NALF1: variants seen among roughly 807,000 people sequenced by gnomAD.
NALF1 encodes the protein family with sequence similarity 155 member A.
A neutral mutation model predicts 48.4 loss-of-function variants in NALF1; 3 were observed. That is an observed-to-expected ratio of 0.06 (90% CI 0.03 to 0.16). The LOEUF (loss-of-function observed/expected upper bound fraction) is 0.16. Among genes scored for constraint, NALF1 ranks in the 10% least tolerant of loss-of-function variants. The pLI, the probability that NALF1 is intolerant of heterozygous loss-of-function variation, is 1.00. For synonymous variants in NALF1, 262 were observed against 245.7 expected (o/e 1.07, Z -0.62); for missense variants, 526 against 571.5 (o/e 0.92, Z 0.81).
chr13:107,577,784 G>C (rs997462528), intron 1 of NALF1, among the ~76,000 whole-genome samples: 2 of 152,092 alleles, frequency 1.3e-5, no homozygotes, highest in African/African-American at 2.4e-5. Flanking sequence ...CTTAAATGCT[G>C]CTTCATCCCG....
At chr13:107,662,338 G>A (rs1880753146) in intron 1 of NALF1, among the ~76,000 whole-genome samples, 1 of 152,142 alleles carries the variant, frequency 6.6e-6, no homozygotes, top group African/African-American at 2.4e-5. Context: ...ATTGTTTCCA[G>A]GACATGTTGC....
intron 1 of NALF1, among the ~76,000 whole-genome samples, chr13:107,314,446 C>T (rs1882104216): frequency 1.3e-5 from 2 of 152,086 alleles, no homozygotes; most frequent in South Asian, 4.1e-4. Context: ...CTGTTCTCTT[C>T]TCCTAGTTCC....
At chr13:107,535,434 A>G (rs1300361925) in intron 1 of NALF1, among the ~76,000 whole-genome samples, 1 of 152,004 alleles carries the variant, frequency 6.6e-6, no homozygotes, top group African/African-American at 2.4e-5. Flanking sequence ...CACCAATAAC[A>G]GACAAACAGA....
intron 1 of NALF1, among the ~76,000 whole-genome samples, chr13:107,313,477 A>G (rs563713440): frequency 6.6e-6 from 1 of 152,232 alleles, no homozygotes; most frequent in East Asian, 1.9e-4. Context: ...CCTCCCTCAC[A>G]ATTTGTCCAC....
intron 1 of NALF1, among the ~76,000 whole-genome samples, chr13:107,708,532 G>A (rs891192958): frequency 7.7e-6 from 1 of 129,644 alleles, no homozygotes; most frequent in Non-Finnish European, 1.7e-5. Flanking sequence ...ATTATTTTAA[G>A]AGAGATATAG....
At chr13:107,719,070 G>A (rs1187772359) in intron 1 of NALF1, among the ~76,000 whole-genome samples, 1 of 152,148 alleles carries the variant, frequency 6.6e-6, no homozygotes, top group African/African-American at 2.4e-5. Flanking sequence ...TTTACGTAGA[G>A]TGCCTGGGTC....
intron 1 of NALF1, among the ~76,000 whole-genome samples, chr13:107,502,351 T>G (rs1875551636): frequency 6.6e-6 from 1 of 152,314 alleles, no homozygotes; most frequent in East Asian, 1.9e-4. Context: ...TCTCCTATAA[T>G]GCTCTGAGTT....
intron 1 of NALF1, among the ~76,000 whole-genome samples, chr13:107,472,027 G>A (rs1885108992): frequency 6.6e-6 from 1 of 152,136 alleles, no homozygotes; most frequent in African/African-American, 2.4e-5. Flanking sequence ...AGGCTCCAAA[G>A]TAATCATAAA....
rs1878748210 is a variant in NALF1, at chr13:107,169,577, G to C, written c.*920C>G. The C allele has an allele frequency of 1.3e-5, 2 of 152,204 alleles. No homozygotes were observed. The highest frequency in any genetic ancestry group is 4.1e-4 in the South Asian group (2 of 4,828). The allele number at this position is 152,204 out of a possible 1,614,324, so 9.4% of individuals were successfully genotyped here. On this transcript the variant is annotated 3_prime_UTR_variant, in exon 3 of 3. Transcript: ENST00000375915. ...TAGCTGCTCCTGTCCAACTGGACCA[G>C]CAAGAAAGGGCTGGGCCACTTGGGG... is the stretch of plus-strand genomic sequence containing the variant.
intron 1 of NALF1, among the ~76,000 whole-genome samples, chr13:107,846,782 T>C (rs1275713805): frequency 2.6e-5 from 4 of 152,198 alleles, no homozygotes; most frequent in African/African-American, 4.8e-5. Flanking sequence ...TCAAATCCCA[T>C]TGCTGAAACC....
At chr13:107,792,859 G>A (rs1539132) in intron 1 of NALF1, among the ~76,000 whole-genome samples, 108 of 152,150 alleles carry the variant, frequency 7.1e-4, no homozygotes, top group Middle Eastern at 3.4e-3. Flanking sequence ...ACCCAGGCAG[G>A]AGTGCAGTGA....
At position 107,767,630 on chromosome 13, in the gene NALF1, T is replaced by C. The variant is rs139899103; in HGVS notation, c.915+98052A>G. 3.9e-3 allele frequency among the ~76,000 whole-genome samples: 598 copies of C among 152,314 alleles called. 1 individual carries two copies. Among genetic ancestry groups the C allele is most frequent in the Middle Eastern group, 0.027 (8 of 294 alleles). On this transcript the variant is annotated intron_variant, in intron 1 of 2. Coordinates refer to ENST00000375915, the MANE Select transcript of NALF1 (RefSeq NM_001080396.3). ...TGTATCATGTGCTTTCATGGGATAG[T>C]ATAAAAGTTATCGGTACGCTGCTAA...
intron 1 of NALF1, among the ~76,000 whole-genome samples, chr13:107,380,204 C>G: frequency 6.6e-6 from 1 of 152,030 alleles, no homozygotes; most frequent in East Asian, 1.9e-4. Flanking sequence ...TCTACTAAAA[C>G]AACAATTTTT....
chr13:107,216,995 T>C lies in NALF1; in HGVS notation c.916-6240A>G, dbSNP rs568169476. On this transcript the variant is annotated intron_variant, in intron 1 of 2. Transcript: ENST00000375915. ...GGGAAACCTAAGAAGCATTTGTCAA[T>C]ATGTCTCCAGCGTTATGCAAAGGAA... is the stretch of plus-strand genomic sequence containing the variant. 9.2e-5 allele frequency among the ~76,000 whole-genome samples: 14 copies of C among 152,310 alleles called. 1 individual carries two copies. The South Asian group carries it at 2.7e-3, about 29-fold the overall frequency.
intron 1 of NALF1, among the ~76,000 whole-genome samples, chr13:107,529,086 C>T (rs1876541051): frequency 6.6e-6 from 1 of 152,088 alleles, no homozygotes; most frequent in Non-Finnish European, 1.5e-5. Context: ...CTGACCAGAG[C>T]TTTATCCATT....
chr13:107,812,036 A>T (rs1879010205), intron 1 of NALF1, among the ~76,000 whole-genome samples: 2 of 152,202 alleles, frequency 1.3e-5, no homozygotes, highest in African/African-American at 4.8e-5. Context: ...GAATCTAAGA[A>T]ATAGAAAATA....
chr13:107,217,905 AATTT>A (rs1218921107), intron 1 of NALF1, among the ~76,000 whole-genome samples: 1 of 151,480 alleles, frequency 6.6e-6, no homozygotes, highest in African/African-American at 2.4e-5. Context: ...ATAGAAAATT[AATTT>A]GATTATTCCA....
intron 1 of NALF1, among the ~76,000 whole-genome samples, chr13:107,407,346 A>C (rs1883916266): frequency 6.6e-6 from 1 of 152,090 alleles, no homozygotes; most frequent in African/African-American, 2.4e-5. Flanking sequence ...AAATATTTGC[A>C]AACTACCCAT....
At chr13:107,196,478 T>C (rs1275670675) in intron 2 of NALF1, among the ~76,000 whole-genome samples, 1 of 152,264 alleles carries the variant, frequency 6.6e-6, no homozygotes, top group East Asian at 1.9e-4. Context: ...TAAACTGATA[T>C]ATAAGAATAT....
Sources: gnomAD v4.1 joint callset for allele counts (sites outside exome capture counted in the v4.1 genomes callset) on GRCh38, gnomAD v4.1.1 for gene constraint, MANE v1.5 for transcripts, NCBI Gene and HGNC (gene_info 2026-07-23, HGNC 2026-07-21) for gene names.